The following PDE11A variants were observed in gnomAD, a reference collection of about 807,000 sequenced individuals.
PDE11A encodes phosphodiesterase 11A, also known as dual 3',5'-cyclic-AMP and -GMP phosphodiesterase 11A.
In PDE11A, 100 loss-of-function variants were observed where a neutral mutation model predicts 100.5. The ratio of observed to expected loss-of-function variants is 1.00; its 90% confidence interval spans 0.85 to 1.18. The LOEUF (loss-of-function observed/expected upper bound fraction) is 1.18, where lower values mean the gene tolerates loss of function less well. Ranked by LOEUF, PDE11A falls within the 50% of genes most tolerant of loss-of-function variation. The pLI, the probability that PDE11A is intolerant of heterozygous loss-of-function variation, is 0.00. For synonymous variants in PDE11A, 381 were observed against 420.8 expected, an observed-to-expected ratio of 0.91 and a Z score of 1.16; for missense variants, 1,141 against 1,152.6, an observed-to-expected ratio of 0.99 and a Z score of 0.15.
At chr2:177,879,695 G>A in intron 4 of PDE11A, among the ~76,000 whole-genome samples, 1 of 152,214 alleles carries the variant, frequency 6.6e-6, no homozygotes, top group Non-Finnish European at 1.5e-5. Flanking sequence ...TTTTCCATCT[G>A]AGGAATAGCA....
intron 9 of PDE11A, among the ~76,000 whole-genome samples, chr2:177,809,682 C>T (rs2082920419): frequency 6.6e-6 from 1 of 151,876 alleles, no homozygotes; most frequent in South Asian, 2.1e-4. Context: ...CTCCTGACTA[C>T]AGGCTTCTAA....
At chr2:177,704,668 A>G (rs574738489) in intron 13 of PDE11A, among the ~76,000 whole-genome samples, 1 of 152,354 alleles carries the variant, frequency 6.6e-6, no homozygotes, top group East Asian at 1.9e-4. Flanking sequence ...AATGGCATTA[A>G]GAGAAGAAGT....
chr2:178,015,492 G>T (rs1489965300), intron 1 of PDE11A, among the ~76,000 whole-genome samples: 1 of 152,140 alleles, frequency 6.6e-6, no homozygotes, highest in Non-Finnish European at 1.5e-5. Flanking sequence ...AAAGAAGACT[G>T]AAGAGACCTG....
At chr2:177,917,375 T>C (rs77122591) in intron 2 of PDE11A, among the ~76,000 whole-genome samples, 1,733 of 152,270 alleles carry the variant, frequency 0.011, 27 homozygotes, top group East Asian at 0.074. Flanking sequence ...CCCAGATCTC[T>C]CACCATTGCT....
chr2:177,933,764 A>G (rs759829581), intron 2 of PDE11A, among the ~76,000 whole-genome samples: 2 of 152,198 alleles, frequency 1.3e-5, no homozygotes, highest in African/African-American at 2.4e-5. Context: ...TAATCAAAAC[A>G]GCATGTACAA....
At chr2:177,871,280 G>C (rs2084126322) in intron 5 of PDE11A, among the ~76,000 whole-genome samples, 1 of 152,012 alleles carries the variant, frequency 6.6e-6, no homozygotes, top group African/African-American at 2.4e-5. Context: ...TGACACCTGG[G>C]GGAGAAAGTG....
chr2:177,843,188 A>G (rs1302596620), intron 5 of PDE11A, among the ~76,000 whole-genome samples: 1 of 152,192 alleles, frequency 6.6e-6, no homozygotes, highest in East Asian at 1.9e-4. Context: ...GCTTCTCTAT[A>G]TTTTATAGAT....
intron 9 of PDE11A, among the ~76,000 whole-genome samples, chr2:177,797,950 CT>C (rs2082728378): frequency 6.6e-6 from 1 of 152,192 alleles, no homozygotes; most frequent in Non-Finnish European, 1.5e-5. Flanking sequence ...TTCTCCACTG[CT>C]TTTAGAATCA....
At chr2:178,052,276 C>T (rs1191640067) in intron 1 of PDE11A, among the ~76,000 whole-genome samples, 5 of 152,122 alleles carry the variant, frequency 3.3e-5, no homozygotes, top group East Asian at 3.9e-4. Context: ...GGGTACATAA[C>T]GAAATGAAGG....
At chr2:177,982,056 T>A (rs1261918182) in intron 2 of PDE11A, among the ~76,000 whole-genome samples, 1 of 151,088 alleles carries the variant, frequency 6.6e-6, no homozygotes, top group East Asian at 1.9e-4. Context: ...GTATCCTTAC[T>A]TTGAATGGTG....
intron 2 of PDE11A, among the ~76,000 whole-genome samples, chr2:177,990,299 G>A (rs1166845355): frequency 6.6e-6 from 1 of 152,154 alleles, no homozygotes; most frequent in Admixed American, 6.5e-5. Context: ...GGACTTTGTG[G>A]TTCCTGCTTT....
chr2:177,833,526 G>A (rs2083343480), intron 6 of PDE11A, among the ~76,000 whole-genome samples: 2 of 152,188 alleles, frequency 1.3e-5, no homozygotes, highest in Admixed American at 6.5e-5. Flanking sequence ...GGCCCAGAGT[G>A]TTTTCTGTGA....
At chr2:177,731,074 A>G (rs1177968784) in intron 10 of PDE11A, among the ~76,000 whole-genome samples, 5 of 152,180 alleles carry the variant, frequency 3.3e-5, no homozygotes, top group Non-Finnish European at 7.3e-5. Flanking sequence ...GACTCAGCAT[A>G]ATGTCCTCAA....
chr2:177,802,761 T>C (rs115492666), intron 9 of PDE11A, among the ~76,000 whole-genome samples: 1,954 of 152,092 alleles, frequency 0.013, 40 homozygotes, highest in African/African-American at 0.044. Flanking sequence ...ATTTTTCCTA[T>C]TGAAAAATAA....
At chr2:177,796,933 A>G (rs2082715393) in intron 9 of PDE11A, 1 of 152,198 alleles carries the variant, frequency 6.6e-6, no homozygotes, top group Non-Finnish European at 1.5e-5. Context: ...TAGGATCTGC[A>G]CTGTAAAACC....
intron 6 of PDE11A, among the ~76,000 whole-genome samples, chr2:177,832,555 ATC>A (rs1491215953): frequency 2.1e-4 from 9 of 42,902 alleles, no homozygotes; most frequent in African/African-American, 8.3e-4. Context: ...ACTCACATCC[ATC>A]TATCTATCTA....
At chr2:177,970,236 G>A (rs2085753069) in intron 2 of PDE11A, among the ~76,000 whole-genome samples, 1 of 152,096 alleles carries the variant, frequency 6.6e-6, no homozygotes, top group Non-Finnish European at 1.5e-5. Context: ...GCAATAGAGA[G>A]CTGTCAAATA....
At chr2:177,750,078 TTAGA>T (rs1259049491) in intron 10 of PDE11A, among the ~76,000 whole-genome samples, 3 of 152,198 alleles carry the variant, frequency 2.0e-5, no homozygotes, top group Admixed American at 6.5e-5. Flanking sequence ...TTTTAGGCAG[TTAGA>T]TAGTTAGTAC....
chr2:177,685,695 G>A (rs1312394656), intron 15 of PDE11A, among the ~76,000 whole-genome samples: 1 of 152,026 alleles, frequency 6.6e-6, no homozygotes, highest in African/African-American at 2.4e-5. Flanking sequence ...AGCCTCCCAA[G>A]TAGCTGGGAT....
Sources: allele counts gnomAD v4.1 joint callset (sites outside exome capture counted in the v4.1 genomes callset), GRCh38; gene constraint gnomAD v4.1.1; transcripts MANE v1.5; gene names NCBI Gene and HGNC (gene_info 2026-07-23, HGNC 2026-07-21).